FLNB: variants seen among roughly 807,000 people sequenced by gnomAD.
The protein encoded by FLNB is filamin-B.
A neutral mutation model predicts 250.6 loss-of-function variants in FLNB; 111 were observed. The ratio of observed to expected loss-of-function variants is 0.44; its 90% confidence interval spans 0.38 to 0.52. FLNB has a LOEUF of 0.52. FLNB is among the 20% of genes least tolerant of loss of function. FLNB has a pLI of 0.00. For synonymous variants in FLNB, 1,302 were observed against 1,372.1 expected, an observed-to-expected ratio of 0.95 and a Z score of 1.13; for missense variants, 2,869 against 3,447.8, an observed-to-expected ratio of 0.83 and a Z score of 4.20.
chr3:58,075,792 A>G (rs541587969), intron 1 of FLNB, among the ~76,000 whole-genome samples: 4 of 152,344 alleles, frequency 2.6e-5, no homozygotes, highest in African/African-American at 9.6e-5. Context: ...GGTGGAGTCC[A>G]GGATAGTGCC....
chr3:58,102,413 T>C, intron 9 of FLNB, 73 bp downstream of exon 9: 1 of 1,514,356 alleles, frequency 6.6e-7, no homozygotes, highest in Non-Finnish European at 9.2e-7. Flanking sequence ...ATGGATTTCA[T>C]CCCACGGCCA....
At chr3:58,059,495 C>G (rs1202137540) in intron 1 of FLNB, among the ~76,000 whole-genome samples, 1 of 152,144 alleles carries the variant, frequency 6.6e-6, no homozygotes, top group Non-Finnish European at 1.5e-5. Context: ...AGCCGGGAAG[C>G]AGCTTCTGAC....
chr3:58,074,847 C>T (rs565247455), intron 1 of FLNB, among the ~76,000 whole-genome samples: 1 of 152,192 alleles, frequency 6.6e-6, no homozygotes, highest in South Asian at 2.1e-4. Flanking sequence ...GTGAGGATTG[C>T]TTGAGTTAGT....
At position 58,061,963 on chromosome 3, in the gene FLNB, C is replaced by T. The variant is rs2097179334; in HGVS notation, c.293-15083C>T. 4.0e-5 allele frequency among the ~76,000 whole-genome samples: 6 copies of T among 151,104 alleles called. No individual in the cohort carries two copies. In the South Asian group the frequency reaches 1.3e-3, roughly 32 times the overall value. ...AAAATTAGCTGGGCATGATGGGGGGCGCCTGTAATCCCAGCTACTTGGGAG... is the reference window on the plus strand; with the variant it reads ...AAAATTAGCTGGGCATGATGGGGGGTGCCTGTAATCCCAGCTACTTGGGAG... On this transcript the variant is annotated intron_variant, in intron 1 of 45. Transcript: ENST00000295956.
chr3:58,118,018 C>G (rs921867645), intron 18 of FLNB, among the ~76,000 whole-genome samples: 2 of 152,138 alleles, frequency 1.3e-5, no homozygotes, highest in Non-Finnish European at 2.9e-5. Flanking sequence ...TCTTGATCTA[C>G]TGAGACAGCC....
chr3:58,113,195 T>C (rs1314636440), intron 18 of FLNB, among the ~76,000 whole-genome samples: 1 of 152,242 alleles, frequency 6.6e-6, no homozygotes, highest in East Asian at 1.9e-4. Flanking sequence ...ATTATATTTG[T>C]TTAAAATTTT....
At position 58,078,726 on chromosome 3, in the gene FLNB, C is replaced by A; in HGVS notation, c.551C>A (p.Pro184Gln). The change falls in exon 3 of 46, where the codon CCA (proline) becomes CAA (glutamine). Residue 184 changes from proline (P) to glutamine (Q), a missense_variant. Physicochemically the swap from Pro to Gln is moderately conservative, Grantham distance 76. Transcript: ENST00000295956. ...TGTGTTCTGTTAACAGGTCTGTGCC[C>A]AGACTGGGAATCCTGGGACCCGCAG... is the stretch of plus-strand genomic sequence containing the variant. The part of the protein sequence containing the change: ...LVDSCAPGLC[P>Q]DWESWDPQKP... 1 of 1,613,650 alleles carries A rather than the reference C, an allele frequency of 6.2e-7. No homozygotes were observed. Among genetic ancestry groups the A allele is most frequent in the East Asian group, 2.2e-5 (1 of 44,864 alleles).
intron 32 of FLNB, among the ~76,000 whole-genome samples, chr3:58,144,431 A>G (rs960197006): frequency 2.0e-5 from 3 of 152,202 alleles, no homozygotes; most frequent in African/African-American, 7.2e-5. Context: ...GCAAACGGAA[A>G]TACAGATATA....
At chr3:58,131,811 G>A (rs183927628) in intron 25 of FLNB, 1 of 713,648 alleles carries the variant, frequency 1.4e-6, no homozygotes, top group African/African-American at 1.8e-5. Flanking sequence ...TTGTGTGCAT[G>A]TATGTGTCCC....
At chr3:58,080,074 A>G (rs2097207050) in intron 3 of FLNB, among the ~76,000 whole-genome samples, 3 of 152,100 alleles carry the variant, frequency 2.0e-5, no homozygotes, top group South Asian at 2.1e-4. Flanking sequence ...TGATGTTGGC[A>G]TGGGTGAAGT....
rs149463494 is a variant in FLNB, at chr3:58,105,468, G to A, written c.1747+252G>A. Among the ~76,000 whole-genome samples the A allele has an allele frequency of 5.6e-4, 85 of 152,330 alleles. 1 individual carries two copies. The East Asian group carries it at 0.015, about 27-fold the overall frequency. ...TTGTGCCTAAAACAATGCTTGGAAC[G>A]TAGTAAACACTTAGCAAATAGTGTT... On this transcript the variant is annotated intron_variant, in intron 11 of 45. Transcript: ENST00000295956.
intron 8 of FLNB, 95 bp downstream of exon 8, chr3:58,099,003 T>C (rs961298705): frequency 3.5e-5 from 36 of 1,042,476 alleles, no homozygotes; most frequent in Non-Finnish European, 5.3e-5. Context: ...GGCCCAACAT[T>C]GACCTTATGC....
At chr3:58,108,213 T>C (rs1405402672) in intron 12 of FLNB, among the ~76,000 whole-genome samples, 2 of 152,236 alleles carry the variant, frequency 1.3e-5, no homozygotes, top group African/African-American at 2.4e-5. Flanking sequence ...CTGGGCCGCA[T>C]GCGGGCTTCA....
intron 12 of FLNB, among the ~76,000 whole-genome samples, 160 bp downstream of exon 12, chr3:58,107,033 T>C (rs764431891): frequency 6.6e-6 from 1 of 152,104 alleles, no homozygotes; most frequent in Non-Finnish European, 1.5e-5. Context: ...GTTTGTTTGT[T>C]TGTTTGTTTG....
chr3:58,100,244 C>T (rs1186535646), intron 8 of FLNB, among the ~76,000 whole-genome samples: 2 of 151,820 alleles, frequency 1.3e-5, no homozygotes, highest in Admixed American at 6.6e-5. Context: ...CCTTTCCTCA[C>T]TCGTGGACTT....
At chr3:58,046,440 T>C (rs184576223) in intron 1 of FLNB, among the ~76,000 whole-genome samples, 1 of 150,304 alleles carries the variant, frequency 6.7e-6, no homozygotes, top group Non-Finnish European at 1.5e-5. Flanking sequence ...CTATCATCAC[T>C]ATAATTTTAG....
chr3:58,093,226 G>A (rs1248344940), intron 4 of FLNB, among the ~76,000 whole-genome samples: 1 of 152,184 alleles, frequency 6.6e-6, no homozygotes, highest in Admixed American at 6.6e-5. Context: ...GGTGCACGGG[G>A]CAAAGTTTAG....
At chr3:58,070,949 CTTG>C (rs2097193534) in intron 1 of FLNB, among the ~76,000 whole-genome samples, 1 of 148,544 alleles carries the variant, frequency 6.7e-6, no homozygotes, top group Non-Finnish European at 1.5e-5. Flanking sequence ...CTCTCTCTCT[CTTG>C]TTTTTTTTTT....
At chr3:58,070,867 G>A (rs937067518) in intron 1 of FLNB, among the ~76,000 whole-genome samples, 5 of 151,280 alleles carry the variant, frequency 3.3e-5, no homozygotes, top group Non-Finnish European at 7.4e-5. Flanking sequence ...GGCCAGGATG[G>A]TCTTGAACTC....
Sources: gnomAD v4.1 joint callset for allele counts (sites outside exome capture counted in the v4.1 genomes callset) on GRCh38, gnomAD v4.1.1 for gene constraint, MANE v1.5 for transcripts, NCBI Gene and HGNC (gene_info 2026-07-23, HGNC 2026-07-21) for gene names.